The following SRA1 variants were observed in gnomAD, a reference collection of about 807,000 sequenced individuals.
The protein encoded by SRA1 is steroid receptor RNA activator 1.
Under a neutral mutation model 24.3 loss-of-function variants are expected in SRA1, and 25 were observed. The ratio of observed to expected loss-of-function variants is 1.03; its 90% CI spans 0.75 to 1.43. The LOEUF is 1.43. Ranked by LOEUF, SRA1 falls within the 40% of genes most tolerant of loss-of-function variation. SRA1 has a pLI of 0.00. For synonymous variants in SRA1, 104 were observed against 109.5 expected (o/e 0.95, Z 0.31); for missense variants, 303 against 286.6 (o/e 1.06, Z -0.41).
chr5:140,551,930 C>T (rs1754570778), intron 3 of SRA1, 52 bp downstream of exon 3: 1 of 1,527,624 alleles, frequency 6.5e-7, no homozygotes, highest in Non-Finnish European at 9.0e-7. Flanking sequence ...ACCATTCCTG[C>T]ATTTGGCTGT....
chr5:140,556,256 GA>G (rs1484465411), intron 2 of SRA1, among the ~76,000 whole-genome samples: 1 of 151,970 alleles, frequency 6.6e-6, no homozygotes, highest in Admixed American at 6.6e-5. Flanking sequence ...GAGGGCCACT[GA>G]AAGAACCAAA....
At chr5:140,555,398 A>C (rs941691286) in intron 2 of SRA1, among the ~76,000 whole-genome samples, 5 of 151,530 alleles carry the variant, frequency 3.3e-5, no homozygotes, top group Non-Finnish European at 7.4e-5. Context: ...AGGCCCAGCT[A>C]ATTTTTGTAT....
At chr5:140,555,107 G>A (rs938764578) in intron 2 of SRA1, among the ~76,000 whole-genome samples, 2 of 152,066 alleles carry the variant, frequency 1.3e-5, no homozygotes, top group Non-Finnish European at 2.9e-5. Flanking sequence ...TTGAACTCCT[G>A]ACCTCGTGAT....
chr5:140,552,023 G>T lies in SRA1; in HGVS notation c.313C>A (p.Pro105Thr). 1 of 1,601,616 alleles carries T rather than the reference G, an allele frequency of 6.2e-7. No individual in the cohort carries two copies. Residue 105 changes from proline (P) to threonine (T), a missense_variant, in exon 3 of 5, where the codon CCT (proline) becomes ACT (threonine). Transcript: ENST00000336283. ...CAGTCTTCCAATGCCTGTTCCAAAG[G>T]TCTCAGCACATCCTCCATCACAGCC... The part of the protein sequence containing the change: ...SEAVMEDVLR[P>T]LEQALEDCRG...
At chr5:140,551,254 C>A in intron 3 of SRA1, 85 bp from the exon 4 acceptor site, 2 of 1,003,090 alleles carry the variant, frequency 2.0e-6, no homozygotes, top group Non-Finnish European at 3.0e-6. Context: ...ATAGGAAGCA[C>A]CTGCTTTCTC....
At position 140,552,154 on chromosome 5, in the gene SRA1, G is replaced by A. The variant is rs141327120; in HGVS notation, c.182C>T (p.Pro61Leu). ...TGAAGGAGGTGGAGGCCCCATTGGG[G>A]GAGGCCCAGGAGAAGTCTCTGATGC... is the stretch of plus-strand genomic sequence containing the variant. ...VPASETSPGPPPMGPPPPSSK... is the reference protein window; with the variant it reads ...VPASETSPGPLPMGPPPPSSK... The change falls in exon 3 of 5, where the codon CCC (proline) becomes CTC (leucine). Residue 61 changes from proline to leucine, a missense_variant. Coordinates refer to ENST00000336283, the MANE Select transcript of SRA1 (RefSeq NM_001035235.4). 1,393 of 1,606,032 alleles carry A rather than the reference G, an allele frequency of 8.7e-4. 13 individuals carry two copies. The African/African-American group carries it at 0.016, about 18-fold the overall frequency.
intron 2 of SRA1, among the ~76,000 whole-genome samples, chr5:140,554,615 G>T (rs190588168): frequency 7.2e-5 from 11 of 152,220 alleles, no homozygotes; most frequent in Admixed American, 6.5e-4. Flanking sequence ...TGCATCATCA[G>T]CTCCCCCTCT....
chr5:140,550,948 T>C (rs1239290233), intron 4 of SRA1, 37 bp from the exon 5 acceptor site: 22 of 1,600,692 alleles, frequency 1.4e-5, no homozygotes, highest in Non-Finnish European at 1.8e-5. Context: ...CAGCCTGTGG[T>C]ACAAGAGCTT....
intron 2 of SRA1, 104 bp downstream of exon 2, chr5:140,557,043 T>C (rs1035125500): frequency 8.9e-7 from 1 of 1,125,534 alleles, no homozygotes; most frequent in African/African-American, 1.6e-5. Flanking sequence ...CTTCTCTCCT[T>C]AAGGAGCCCT....
chr5:140,555,629 T>C (rs1488940225), intron 2 of SRA1, among the ~76,000 whole-genome samples: 5 of 152,188 alleles, frequency 3.3e-5, no homozygotes, highest in Admixed American at 6.5e-5. Context: ...TCCCTGGCCA[T>C]ATTCAAGCCC....
rs372416638 is a variant in SRA1, at chr5:140,550,879, C to T, written c.496G>A (p.Asp166Asn). 4.3e-6 allele frequency: 7 copies of T among 1,614,020 alleles called. No homozygotes were observed. Among genetic ancestry groups the T allele is most frequent in the African/African-American group, 1.3e-5 (1 of 74,908 alleles). Residue 166 changes from aspartate (D) to asparagine (N), a missense_variant, in exon 5 of 5, where the codon GAC becomes AAC. Transcript: ENST00000336283. Reference sequence around the variant, plus strand: ...TCAACCATGAGGGAGCGGTGGATGTCATCTGCTGCGTCCCACCGGTGGCTT... The same window carrying T: ...TCAACCATGAGGGAGCGGTGGATGTTATCTGCTGCGTCCCACCGGTGGCTT... ...LSSHRWDAAD[D>N]IHRSLMVDHV...
At chr5:140,553,728 G>A (rs552912691) in intron 2 of SRA1, among the ~76,000 whole-genome samples, 1 of 152,292 alleles carries the variant, frequency 6.6e-6, no homozygotes, top group African/African-American at 2.4e-5. Context: ...AACAGTGGTG[G>A]CAGGAACACC....
intron 2 of SRA1, among the ~76,000 whole-genome samples, chr5:140,556,456 G>C (rs1754698046): frequency 6.6e-6 from 1 of 152,148 alleles, no homozygotes; most frequent in South Asian, 2.1e-4. Flanking sequence ...TATTTCATCA[G>C]TCTCTGAATT....
chr5:140,557,296 A>G, intron 1 of SRA1, 24 bp from the exon 2 acceptor site: 1 of 1,608,586 alleles, frequency 6.2e-7, no homozygotes, highest in Non-Finnish European at 8.5e-7. Flanking sequence ...GGATGTGTGA[A>G]GCGAGCCCGG....
upstream of SRA1, chr5:140,557,713 C>T: frequency 1.8e-6 from 1 of 564,080 alleles, no homozygotes. Flanking sequence ...TAGGAGGCCT[C>T]ATCCTCTCAG....
At chr5:140,551,360 C>CA (rs1315018405) in intron 3 of SRA1, 191 bp from the exon 4 acceptor site, 1 of 560,384 alleles carries the variant, frequency 1.8e-6, no homozygotes, top group Admixed American at 3.1e-5. Flanking sequence ...CTTCTTCTGA[C>CA]ACTGCCTGAT....
chr5:140,554,319 G>C (rs1245133378), intron 2 of SRA1, among the ~76,000 whole-genome samples: 1 of 152,114 alleles, frequency 6.6e-6, no homozygotes, highest in Non-Finnish European at 1.5e-5. Context: ...AATACTGCCT[G>C]GACATTTTGG....
At position 140,557,334 on chromosome 5, in the gene SRA1, TG is replaced by T. The variant is rs774449240; in HGVS notation, c.26-63del. On this transcript the variant is annotated intron_variant, in intron 1 of 4. Coordinates refer to ENST00000336283, the MANE Select transcript of SRA1 (RefSeq NM_001035235.4). ...CTCCACTGTTAGCTTATACTGGGGCTGGGGGAGACAGAGGGTCCATACTAAG... is the reference window on the plus strand; with the variant it reads ...CTCCACTGTTAGCTTATACTGGGGCTGGGGAGACAGAGGGTCCATACTAAG... 3.1e-6 allele frequency: 5 copies of T among 1,604,658 alleles called. No homozygotes were observed. In the African/African-American group the frequency reaches 6.7e-5, roughly 21 times the overall value.
intron 3 of SRA1, 66 bp downstream of exon 3, chr5:140,551,915 TG>T (rs1339610977): frequency 2.7e-6 from 4 of 1,460,296 alleles, no homozygotes; most frequent in Non-Finnish European, 3.8e-6. Context: ...GGTCTATCTC[TG>T]GGAACCATTC....
Sources: allele counts gnomAD v4.1 joint callset (sites outside exome capture counted in the v4.1 genomes callset), GRCh38; gene constraint gnomAD v4.1.1; transcripts MANE v1.5; gene names NCBI Gene and HGNC (gene_info 2026-07-23, HGNC 2026-07-21).